The following RCC2 variants were observed in gnomAD, a reference collection of about 807,000 sequenced individuals.
RCC2 encodes protein RCC2.
Under a neutral mutation model 64.1 loss-of-function variants are expected in RCC2, and 19 were observed. The ratio of observed to expected loss-of-function variants is 0.30; its 90% CI spans 0.21 to 0.44. The LOEUF is 0.44. Ranked by LOEUF, RCC2 falls within the 20% of genes least tolerant of loss-of-function variation. RCC2 has a pLI of 1.00. For missense variants in RCC2, 508 were observed against 710.4 expected (o/e 0.72, Z 3.24); for synonymous variants, 325 against 279.6 (o/e 1.16, Z -1.62).
chr1:17,423,389 C>A (rs990605178), intron 4 of RCC2, among the ~76,000 whole-genome samples: 1 of 152,180 alleles, frequency 6.6e-6, no homozygotes, highest in Non-Finnish European at 1.5e-5. Flanking sequence ...TAGGGATCGC[C>A]CCTCAAGGAC....
chr1:17,438,549 C>T, intron 1 of RCC2, 27 bp from the exon 2 acceptor site: 2 of 1,304,484 alleles, frequency 1.5e-6, no homozygotes, highest in Non-Finnish European at 1.9e-6. Flanking sequence ...GGCAGCGGCG[C>T]ACAATGGACG....
At chr1:17,432,872 G>A (rs144551201) in intron 2 of RCC2, among the ~76,000 whole-genome samples, 15 of 152,232 alleles carry the variant, frequency 9.9e-5, no homozygotes, top group African/African-American at 3.6e-4. Flanking sequence ...ACAGGAGAAG[G>A]GCATGAACCC....
chr1:17,427,979 T>C (rs1047811560), intron 3 of RCC2, among the ~76,000 whole-genome samples: 1 of 152,180 alleles, frequency 6.6e-6, no homozygotes, highest in Admixed American at 6.5e-5. Context: ...GGTGCTATCT[T>C]GCAAAAACCA....
At chr1:17,417,597 C>T (rs1191928002) in intron 7 of RCC2, among the ~76,000 whole-genome samples, 1 of 152,100 alleles carries the variant, frequency 6.6e-6, no homozygotes. Flanking sequence ...GCAGAAGAAT[C>T]GCTTGAACCT....
At chr1:17,414,641 C>T (rs1328343562) in intron 8 of RCC2, among the ~76,000 whole-genome samples, 1 of 151,532 alleles carries the variant, frequency 6.6e-6, no homozygotes, top group Non-Finnish European at 1.5e-5. Flanking sequence ...CGTTTCTTTT[C>T]CCCCCCTCGA....
intron 6 of RCC2, 68 bp from the exon 7 acceptor site, chr1:17,420,896 T>C (rs1260490408): frequency 4.9e-6 from 5 of 1,017,180 alleles, no homozygotes; most frequent in Non-Finnish European, 5.9e-6. Flanking sequence ...CCTCTCTGCA[T>C]GTTGGTGGGA....
At chr1:17,416,244 C>T (rs1343928798) in intron 8 of RCC2, among the ~76,000 whole-genome samples, 1 of 152,112 alleles carries the variant, frequency 6.6e-6, no homozygotes, top group Non-Finnish European at 1.5e-5. Flanking sequence ...AAAACATCTA[C>T]GTGTTTAAGA....
intron 1 of RCC2, among the ~76,000 whole-genome samples, chr1:17,438,805 C>A (rs2075773594): frequency 6.6e-6 from 1 of 152,152 alleles, no homozygotes; most frequent in Admixed American, 6.5e-5. Flanking sequence ...TTAGGTTTGC[C>A]CACAAAGCAT....
chr1:17,425,829 T>C, intron 3 of RCC2, 145 bp from the exon 4 acceptor site: 1 of 784,658 alleles, frequency 1.3e-6, no homozygotes, highest in Non-Finnish European at 2.0e-6. Flanking sequence ...GTTGGGAGGC[T>C]GCACAAGGAT....
intron 2 of RCC2, among the ~76,000 whole-genome samples, chr1:17,432,018 G>A (rs1002494690): frequency 2.6e-5 from 4 of 151,368 alleles, no homozygotes; most frequent in Admixed American, 6.6e-5. Flanking sequence ...AACCCAGGAG[G>A]CAGAGGTTGC....
chr1:17,438,568 A>G (rs1346428100), intron 1 of RCC2, 46 bp from the exon 2 acceptor site: 2 of 1,282,588 alleles, frequency 1.6e-6, no homozygotes, highest in Non-Finnish European at 2.0e-6. Context: ...CGGGTTATAA[A>G]CTGCGCGGGG....
chr1:17,410,029 T>C lies in RCC2; in HGVS notation c.1409A>G (p.Lys470Arg), dbSNP rs781144883. 1.2e-6 allele frequency: 2 copies of C among 1,614,058 alleles called. No homozygotes were observed. The highest frequency in any genetic ancestry group is 2.2e-5 in the South Asian group (2 of 91,076). Residue 470 changes from lysine to arginine, a missense_variant, in exon 12 of 13, where the codon AAG becomes AGG. Coordinates refer to ENST00000375436, the MANE Select transcript of RCC2 (RefSeq NM_018715.4). ...TACCTCCTGGGCTGCAGTGGAAGAC[T>C]TGGGCTTGTGGTCCCCGTAGCCCTG... ...GELGYGDHKP[K>R]SSTAAQEVKT...
rs752691455 is a variant in RCC2 at position 17,422,273 on chromosome 1, G to A, written c.674C>T (p.Ala225Val). 7.4e-6 allele frequency: 12 copies of A among 1,611,864 alleles called. No individual in the cohort carries two copies. The highest frequency in any genetic ancestry group is 1.1e-5 in the South Asian group (1 of 90,962). The change falls in exon 6 of 13, where the codon GCG becomes GTG. Residue 225 changes from alanine (A) to valine (V), a missense_variant. Physicochemically the swap from Ala to Val is moderately conservative, Grantham distance 64 (BLOSUM62 0). Transcript: ENST00000375436. Reference protein sequence around the residue: ...LALTETGSVFAFGENKMGQLG... With the variant: ...LALTETGSVFVFGENKMGQLG... ...CTGCCCCATCTTGTTTTCCCCAAAC[G>A]CAAACACGGAGCCCGTTTCTGGAAG...
In RCC2 at chr1:17,416,636, T is replaced by C. The variant is rs758408074; in HGVS notation, c.870A>G (p.Ser290=). Residue 290 remains serine (S), a synonymous_variant, in exon 8 of 13, where the codon TCA becomes TCG. Coordinates refer to ENST00000375436, the MANE Select transcript of RCC2 (RefSeq NM_018715.4). ...GTGCCCGGGCGATGAACTTCCCATC[T>C]GAGTTGTGTCCTGTAGAGACCACAG... ...CPEYGQLGHN[S]DGKFIARAQR... is the part of the protein sequence containing the mutation. The C allele has an allele frequency of 1.2e-6, 2 of 1,612,724 alleles. No individual in the cohort carries two copies. Among genetic ancestry groups the C allele is most frequent in the South Asian group, 2.2e-5 (2 of 90,956 alleles).
rs776276178 is a variant in RCC2 at position 17,438,278 on chromosome 1, G to A, written c.237C>T (p.Gly79=). 2.5e-5 allele frequency: 33 copies of A among 1,296,898 alleles called. No homozygotes were observed. In the East Asian group the frequency reaches 4.6e-4, roughly 18 times the overall value. The allele number at this position is 1,296,898 out of a possible 1,614,324, so 80.3% of individuals were successfully genotyped here. ...GTTCGGTGATGACCACGGCCGCGCC[G>A]CCCGCCTTGCCTGCTGTCGCCGGCC... ...AARPATAGKA[G]GAAVVITEPE... The change falls in exon 2 of 13, where the codon GGC becomes GGT. Residue 79 remains glycine (G), a synonymous_variant. Transcript: ENST00000375436.
At position 17,407,814 on chromosome 1, in the gene RCC2, A is replaced by G. The variant is rs2100345102; in HGVS notation, c.*1276T>C. ...CCCCATAAGCACCACTGAACTAAATATCTATTTTAAAGCACCCAAACCAGT... is the reference window on the plus strand; with the variant it reads ...CCCCATAAGCACCACTGAACTAAATGTCTATTTTAAAGCACCCAAACCAGT... On this transcript the variant is annotated 3_prime_UTR_variant, in exon 13 of 13. Coordinates refer to ENST00000375436, the MANE Select transcript of RCC2 (RefSeq NM_018715.4). 6.5e-6 allele frequency: 1 copy of G among 152,716 alleles called. No homozygotes were observed. Among genetic ancestry groups the G allele is most frequent in the East Asian group, 1.9e-4 (1 of 5,186 alleles). 9.5% of individuals were successfully genotyped at this position (152,716 alleles called of 1,614,324 possible).
intron 8 of RCC2, among the ~76,000 whole-genome samples, chr1:17,414,402 C>T (rs2075458307): frequency 6.6e-6 from 1 of 151,890 alleles, no homozygotes; most frequent in Admixed American, 6.6e-5. Context: ...CAGTGGTGTG[C>T]ACCTGTAATC....
intron 7 of RCC2, among the ~76,000 whole-genome samples, chr1:17,418,863 C>T (rs932896822): frequency 2.2e-4 from 34 of 152,204 alleles, no homozygotes; most frequent in Non-Finnish European, 4.6e-4. Flanking sequence ...CTTTTATTTG[C>T]TATCGACACA....
chr1:17,431,359 A>AATATATATATATATATATAT (rs71014951), intron 2 of RCC2, among the ~76,000 whole-genome samples: 32 of 44,906 alleles, frequency 7.1e-4, no homozygotes, highest in African/African-American at 1.5e-3. Context: ...AAAAAAAAAA[A>AATATATATATATATATATAT]ATATATATAT....
Sources: gnomAD v4.1 joint callset for allele counts (sites outside exome capture counted in the v4.1 genomes callset) on GRCh38, gnomAD v4.1.1 for gene constraint, MANE v1.5 for transcripts, NCBI Gene and HGNC (gene_info 2026-07-23, HGNC 2026-07-21) for gene names.